TANC2: variants seen among roughly 807,000 people sequenced by gnomAD.
TANC2 encodes the protein protein TANC2.
A neutral mutation model predicts 210.5 loss-of-function variants in TANC2; 26 were observed. The observed-to-expected ratio is 0.12, with a 90% CI of 0.09 to 0.17. The LOEUF (loss-of-function observed/expected upper bound fraction) is 0.17, where lower values mean the gene tolerates loss of function less well. TANC2 is among the 10% of genes least tolerant of loss of function. The pLI, the probability that TANC2 is intolerant of heterozygous loss-of-function variation, is 1.00. For synonymous variants in TANC2, 931 were observed against 967.1 expected (o/e 0.96, Z 0.69); for missense variants, 2,129 against 2,608.9 (o/e 0.82, Z 4.01).
chr17:63,346,660 G>T (rs746431528), intron 12 of TANC2, among the ~76,000 whole-genome samples: 1 of 152,160 alleles, frequency 6.6e-6, no homozygotes, highest in Non-Finnish European at 1.5e-5. Flanking sequence ...CTAATACATT[G>T]CTGGTGGGAC....
chr17:63,165,818 A>T (rs2040192508), intron 5 of TANC2, among the ~76,000 whole-genome samples: 1 of 152,234 alleles, frequency 6.6e-6, no homozygotes, highest in South Asian at 2.1e-4. Flanking sequence ...ATATGGAAAT[A>T]TAACACTGCA....
intron 2 of TANC2, among the ~76,000 whole-genome samples, chr17:63,010,491 A>G (rs1421295204): frequency 3.3e-5 from 5 of 151,406 alleles, no homozygotes; most frequent in African/African-American, 7.3e-5. Context: ...CAGTGATTCA[A>G]TTCAGTTCTC....
chr17:63,127,893 C>G (rs1032705165), intron 4 of TANC2, among the ~76,000 whole-genome samples: 3 of 152,106 alleles, frequency 2.0e-5, no homozygotes, highest in Non-Finnish European at 4.4e-5. Flanking sequence ...TTTTCATTCC[C>G]TTTGTGACAC....
chr17:62,995,409 T>G (rs1374501380), intron 1 of TANC2, among the ~76,000 whole-genome samples: 1 of 152,190 alleles, frequency 6.6e-6, no homozygotes, highest in Admixed American at 6.5e-5. Context: ...ATACTTGACT[T>G]AGTTGAAATT....
At chr17:63,298,643 T>C (rs1433587710) in intron 9 of TANC2, among the ~76,000 whole-genome samples, 2 of 152,208 alleles carry the variant, frequency 1.3e-5, no homozygotes, top group Non-Finnish European at 2.9e-5. Context: ...CTAGATGCCA[T>C]TGAATTGTAC....
rs899140563 is a variant in TANC2 at position 63,254,679 on chromosome 17, C to T, written c.1034-13069C>T. ...TACCCAGTTTTTTTAGGATTTTTAT[C>T]ATGAAGGGATGTTGAACTTTAGCAA... On this transcript the variant is annotated intron_variant, in intron 8 of 27. Transcript: ENST00000689528. 2.1e-4 allele frequency among the ~76,000 whole-genome samples: 32 copies of T among 152,068 alleles called. 1 individual carries two copies. The highest frequency in any genetic ancestry group is 2.1e-3 in the Admixed American group (32 of 15,282).
At chr17:63,078,079 G>A (rs138014239) in intron 3 of TANC2, among the ~76,000 whole-genome samples, 16 of 151,992 alleles carry the variant, frequency 1.1e-4, no homozygotes, top group Admixed American at 3.3e-4. Flanking sequence ...AAGCTACATC[G>A]TGTAGAATTG....
intron 7 of TANC2, among the ~76,000 whole-genome samples, chr17:63,202,455 T>C (rs1252654034): frequency 6.6e-6 from 1 of 152,050 alleles, no homozygotes; most frequent in Non-Finnish European, 1.5e-5. Flanking sequence ...GGAAAGAACA[T>C]AGGTGGTAAT....
chr17:63,101,611 G>A (rs1350067676), intron 4 of TANC2, among the ~76,000 whole-genome samples: 2 of 152,192 alleles, frequency 1.3e-5, no homozygotes, highest in Non-Finnish European at 2.9e-5. Context: ...AGATATGATA[G>A]AGTGGTGAAA....
intron 4 of TANC2, among the ~76,000 whole-genome samples, chr17:63,138,698 G>A (rs756982388): frequency 6.6e-6 from 1 of 152,098 alleles, no homozygotes; most frequent in South Asian, 2.1e-4. Flanking sequence ...TTCTGTGCCA[G>A]GTTTGGTCAT....
At chr17:63,113,658 C>T (rs2038139695) in intron 4 of TANC2, among the ~76,000 whole-genome samples, 1 of 152,058 alleles carries the variant, frequency 6.6e-6, no homozygotes, top group Admixed American at 6.5e-5. Flanking sequence ...CAGGCGTGCA[C>T]CACCATACCT....
chr17:63,237,857 T>C, exon 8 of TANC2: 1 of 1,553,602 alleles, frequency 6.4e-7, no homozygotes, highest in Non-Finnish European at 8.7e-7. Context: ...GCACAAAATA[T>C]GCTGGGGAAA....
At chr17:63,212,581 C>A (rs746843727) in intron 7 of TANC2, among the ~76,000 whole-genome samples, 2 of 152,078 alleles carry the variant, frequency 1.3e-5, no homozygotes, top group African/African-American at 2.4e-5. Context: ...TCCTCCTGTT[C>A]TTTGCTTTTA....
chr17:63,339,418 C>T (rs2046152481), intron 11 of TANC2, among the ~76,000 whole-genome samples: 2 of 152,158 alleles, frequency 1.3e-5, no homozygotes, highest in Admixed American at 1.3e-4. Flanking sequence ...AGGTCCTAGC[C>T]AGGCAGCCCA....
chr17:63,061,655 T>C (rs1304444654), intron 2 of TANC2, among the ~76,000 whole-genome samples: 1 of 152,098 alleles, frequency 6.6e-6, no homozygotes, highest in Non-Finnish European at 1.5e-5. Context: ...TACATATACA[T>C]GCAGGGTTTT....
At chr17:63,111,311 GTAAT>G (rs1232070779) in intron 4 of TANC2, among the ~76,000 whole-genome samples, 1 of 152,048 alleles carries the variant, frequency 6.6e-6, no homozygotes, top group African/African-American at 2.4e-5. Context: ...TGCCAAAAAA[GTAAT>G]TAATTAAATA....
intron 2 of TANC2, among the ~76,000 whole-genome samples, chr17:63,010,290 A>G (rs538015210): frequency 3.3e-5 from 5 of 152,170 alleles, no homozygotes; most frequent in South Asian, 4.2e-4. Flanking sequence ...TGTAATTCCA[A>G]TTGTGATTTC....
intron 8 of TANC2, among the ~76,000 whole-genome samples, chr17:63,255,036 G>C (rs995104404): frequency 6.6e-6 from 1 of 151,052 alleles, no homozygotes; most frequent in African/African-American, 2.4e-5. Context: ...TGAATAGTTT[G>C]AGTAGGATTG....
intron 4 of TANC2, among the ~76,000 whole-genome samples, chr17:63,135,540 A>C (rs1388283598): frequency 6.6e-6 from 1 of 152,020 alleles, no homozygotes; most frequent in Non-Finnish European, 1.5e-5. Flanking sequence ...TTTTTTGTTG[A>C]CAGTAATACT....
Sources: gnomAD v4.1 joint callset for allele counts (sites outside exome capture counted in the v4.1 genomes callset) on GRCh38, gnomAD v4.1.1 for gene constraint, MANE v1.5 for transcripts, NCBI Gene and HGNC (gene_info 2026-07-23, HGNC 2026-07-21) for gene names.